Variants in KCNH1 observed in about 807,000 individuals in gnomAD.
The protein encoded by KCNH1 is voltage-gated delayed rectifier potassium channel KCNH1.
A neutral mutation model predicts 69.2 loss-of-function variants in KCNH1; 27 were observed. That is an observed-to-expected ratio of 0.39 (90% CI 0.29 to 0.54). KCNH1 has a LOEUF of 0.54. Among genes scored for constraint, KCNH1 ranks in the 20% least tolerant of loss-of-function variants. The probability of loss-of-function intolerance (pLI) is 0.68; values close to 1 mark genes in which losing one functional copy is unlikely to be tolerated. For missense variants in KCNH1, 798 were observed against 1,261.6 expected, an observed-to-expected ratio of 0.63 and a Z score of 5.57; for synonymous variants, 456 against 487.7, an observed-to-expected ratio of 0.93 and a Z score of 0.86.
At chr1:211,084,359 C>G (rs1208331126) in intron 4 of KCNH1, among the ~76,000 whole-genome samples, 1 of 131,994 alleles carries the variant, frequency 7.6e-6, no homozygotes, top group African/African-American at 2.9e-5. Flanking sequence ...ATGTAAACAT[C>G]AGCAAGGGCT....
intron 10 of KCNH1, among the ~76,000 whole-genome samples, chr1:210,761,049 G>A (rs900657627): frequency 3.3e-5 from 5 of 151,360 alleles, no homozygotes; most frequent in South Asian, 2.1e-4. Flanking sequence ...TCAGGAGATC[G>A]AGACCATCCC....
At chr1:210,997,941 C>A (rs905133811) in intron 6 of KCNH1, among the ~76,000 whole-genome samples, 4 of 152,110 alleles carry the variant, frequency 2.6e-5, no homozygotes, top group Non-Finnish European at 5.9e-5. Flanking sequence ...GAAATAAAAT[C>A]CTTTACAGAC....
chr1:210,900,123 A>G (rs1686963518), intron 7 of KCNH1, among the ~76,000 whole-genome samples: 1 of 152,232 alleles, frequency 6.6e-6, no homozygotes, highest in South Asian at 2.1e-4. Context: ...CCACTTAAGG[A>G]GCTTAAGAAG....
intron 6 of KCNH1, among the ~76,000 whole-genome samples, chr1:211,011,853 T>C (rs967453005): frequency 5.9e-5 from 9 of 152,200 alleles, no homozygotes; most frequent in African/African-American, 2.2e-4. Context: ...AATCCTTCAC[T>C]CACTGTGAGC....
intron 1 of KCNH1, among the ~76,000 whole-genome samples, chr1:211,113,341 T>C (rs1282068669): frequency 6.6e-6 from 1 of 152,210 alleles, no homozygotes; most frequent in African/African-American, 2.4e-5. Flanking sequence ...AATACCGTTA[T>C]TGTAGTCATA....
rs2148998414 is a variant in KCNH1, at chr1:210,679,879, T to A, written c.*3402A>T. The A allele has an allele frequency of 1.3e-5, 2 of 152,374 alleles. No homozygotes were observed. Among genetic ancestry groups the A allele is most frequent in the Middle Eastern group, 6.8e-3 (2 of 294 alleles). The allele number at this position is 152,374 out of a possible 1,614,324, so 9.4% of individuals were successfully genotyped here. ...TGCTAAATGGGCTCAGCTTTTTAAA[T>A]ACTTGGGCTATCCTGTAGCATTAAT... On this transcript the variant is annotated 3_prime_UTR_variant, in exon 11 of 11. Transcript: ENST00000271751.
At chr1:210,781,894 C>T (rs1341778473) in intron 9 of KCNH1, among the ~76,000 whole-genome samples, 1 of 152,234 alleles carries the variant, frequency 6.6e-6, no homozygotes, top group Non-Finnish European at 1.5e-5. Context: ...GTGACCACTG[C>T]TGGACTTCTC....
At chr1:211,062,717 A>T (rs1690451692) in intron 5 of KCNH1, among the ~76,000 whole-genome samples, 1 of 152,228 alleles carries the variant, frequency 6.6e-6, no homozygotes. Flanking sequence ...GATGCTAAAC[A>T]TCACTGATCA....
At chr1:211,022,710 G>C (rs1438438104) in intron 5 of KCNH1, among the ~76,000 whole-genome samples, 1 of 152,084 alleles carries the variant, frequency 6.6e-6, no homozygotes, top group African/African-American at 2.4e-5. Context: ...ATGGCTAACA[G>C]GGATATGAAA....
chr1:210,710,699 G>A (rs1682051027), intron 10 of KCNH1, among the ~76,000 whole-genome samples: 1 of 152,152 alleles, frequency 6.6e-6, no homozygotes, highest in Non-Finnish European at 1.5e-5. Context: ...TAAGTGGTGT[G>A]GCAGGCATGG....
At chr1:211,081,770 A>C (rs1278345387) in intron 5 of KCNH1, among the ~76,000 whole-genome samples, 6 of 152,214 alleles carry the variant, frequency 3.9e-5, no homozygotes, top group Non-Finnish European at 8.8e-5. Context: ...TTGAACAATG[A>C]GAACACTTGG....
At chr1:210,824,107 C>A (rs181098019) in intron 7 of KCNH1, among the ~76,000 whole-genome samples, 1 of 152,172 alleles carries the variant, frequency 6.6e-6, no homozygotes. Flanking sequence ...CGACCTCTTG[C>A]TCAGGTTTCT....
chr1:210,996,270 G>A (rs1274556730), intron 6 of KCNH1, among the ~76,000 whole-genome samples: 11 of 152,236 alleles, frequency 7.2e-5, no homozygotes, highest in African/African-American at 1.9e-4. Context: ...CTGGAAAATC[G>A]GGTCACTCCC....
chr1:210,728,084 T>A (rs1044815929), intron 10 of KCNH1, among the ~76,000 whole-genome samples: 4 of 152,342 alleles, frequency 2.6e-5, no homozygotes, highest in African/African-American at 9.6e-5. Flanking sequence ...CTACTGAATC[T>A]TAATCTCTCG....
intron 6 of KCNH1, among the ~76,000 whole-genome samples, chr1:210,973,741 A>G (rs903504709): frequency 2.6e-5 from 4 of 152,178 alleles, no homozygotes; most frequent in Non-Finnish European, 5.9e-5. Flanking sequence ...CACCAATGTC[A>G]TTAGTCATTG....
intron 10 of KCNH1, among the ~76,000 whole-genome samples, chr1:210,768,617 A>G (rs923555627): frequency 6.6e-6 from 1 of 152,182 alleles, no homozygotes; most frequent in East Asian, 1.9e-4. Context: ...ACCACAAGGT[A>G]TACTTGTTCA....
At chr1:210,822,362 C>A (rs927288190) in intron 7 of KCNH1, among the ~76,000 whole-genome samples, 6 of 151,914 alleles carry the variant, frequency 3.9e-5, no homozygotes, top group Non-Finnish European at 5.9e-5. Flanking sequence ...AGGCGGGAAG[C>A]CTTATACCAG....
Position 210,966,077 on chromosome 1 carries a change from C to A in KCNH1, c.1033-46008G>T, listed in dbSNP as rs546031256. On this transcript the variant is annotated intron_variant, in intron 6 of 10. Coordinates refer to ENST00000271751, the MANE Select transcript of KCNH1 (RefSeq NM_172362.3). Reference sequence around the variant, plus strand: ...CAGAATAGAGGCCTCAGAAATAACACCACACATCTACAACCATCTGATCTT... The same window carrying A: ...CAGAATAGAGGCCTCAGAAATAACAACACACATCTACAACCATCTGATCTT... 4.1e-4 allele frequency among the ~76,000 whole-genome samples: 62 copies of A among 152,228 alleles called. No individual in the cohort carries two copies. The East Asian group carries it at 0.012, about 29-fold the overall frequency.
At chr1:211,013,311 A>G (rs1689429094) in intron 6 of KCNH1, among the ~76,000 whole-genome samples, 1 of 152,208 alleles carries the variant, frequency 6.6e-6, no homozygotes, top group African/African-American at 2.4e-5. Context: ...AGAGATAAGC[A>G]GGGTAGGCAA....
Sources: gnomAD v4.1 joint callset for allele counts (sites outside exome capture counted in the v4.1 genomes callset) on GRCh38, gnomAD v4.1.1 for gene constraint, MANE v1.5 for transcripts, NCBI Gene and HGNC (gene_info 2026-07-23, HGNC 2026-07-21) for gene names.